The following KCNIP4 variants were observed in gnomAD, a reference collection of about 807,000 sequenced individuals.
The protein encoded by KCNIP4 is potassium voltage-gated channel interacting protein 4.
KCNIP4 carries 12 observed loss-of-function variants against 34.0 expected under a neutral mutation model. That is an observed-to-expected ratio of 0.35 (90% CI 0.23 to 0.57). The LOEUF (loss-of-function observed/expected upper bound fraction) is 0.57, where lower values mean the gene tolerates loss of function less well. KCNIP4 is among the 20% of genes least tolerant of loss of function. KCNIP4 has a pLI of 0.83. For missense variants in KCNIP4, 238 were observed against 311.7 expected, an observed-to-expected ratio of 0.76 and a Z score of 1.78; for synonymous variants, 124 against 102.2, an observed-to-expected ratio of 1.21 and a Z score of -1.29.
chr4:20,868,875 T>G (rs1233914168), intron 2 of KCNIP4, among the ~76,000 whole-genome samples: 1 of 152,054 alleles, frequency 6.6e-6, no homozygotes, highest in Non-Finnish European at 1.5e-5. Context: ...GGTACTATGC[T>G]CACTGCCAAG....
At chr4:21,218,120 A>G (rs1463906237) in intron 1 of KCNIP4, among the ~76,000 whole-genome samples, 2 of 151,592 alleles carry the variant, frequency 1.3e-5, no homozygotes, top group East Asian at 3.9e-4. Flanking sequence ...GGTTCAAGTG[A>G]TTCTCCTGCC....
chr4:21,234,276 T>TA (rs1759126145), intron 1 of KCNIP4, among the ~76,000 whole-genome samples: 1 of 83,800 alleles, frequency 1.2e-5, no homozygotes, highest in African/African-American at 8.3e-5. Flanking sequence ...ATAACATATA[T>TA]TATATATAAC....
intron 1 of KCNIP4, among the ~76,000 whole-genome samples, chr4:21,551,703 A>G (rs888385745): frequency 1.3e-5 from 2 of 152,092 alleles, no homozygotes; most frequent in African/African-American, 4.8e-5. Context: ...AGCACATGTG[A>G]AATATCTAAC....
intron 1 of KCNIP4, among the ~76,000 whole-genome samples, chr4:21,348,114 T>A (rs541381742): frequency 6.6e-6 from 1 of 152,330 alleles, no homozygotes; most frequent in East Asian, 1.9e-4. Context: ...GGGGCAGTTA[T>A]TCATGGTATC....
At chr4:21,658,063 C>T (rs1748115945) in intron 1 of KCNIP4, among the ~76,000 whole-genome samples, 1 of 152,124 alleles carries the variant, frequency 6.6e-6, no homozygotes, top group Non-Finnish European at 1.5e-5. Context: ...TTGTCTCAAT[C>T]TCCTGACCTT....
chr4:21,237,650 G>T (rs889772219), intron 1 of KCNIP4, among the ~76,000 whole-genome samples: 1 of 152,060 alleles, frequency 6.6e-6, no homozygotes, highest in African/African-American at 2.4e-5. Context: ...TAAATTCCTC[G>T]ACACATACAC....
At position 21,236,779 on chromosome 4, in the gene KCNIP4, G is replaced by A. The variant is rs753469951; in HGVS notation, c.62-354070C>T. On this transcript the variant is annotated intron_variant, in intron 1 of 8. Transcript: ENST00000382152. ...TATCCCAGCACTTTGGGAGGCTGAG[G>A]TGGGTGGATCACAAGGTCAGGAGCT... 3.3e-5 allele frequency among the ~76,000 whole-genome samples: 5 copies of A among 152,032 alleles called. No individual in the cohort carries two copies. In the East Asian group the frequency reaches 5.8e-4, roughly 18 times the overall value.
At chr4:21,231,197 C>A (rs954139542) in intron 1 of KCNIP4, among the ~76,000 whole-genome samples, 1 of 152,116 alleles carries the variant, frequency 6.6e-6, no homozygotes, top group African/African-American at 2.4e-5. Context: ...GCTGATTTTG[C>A]ACAAATTGGA....
chr4:21,876,915 A>C (rs1467196321), intron 1 of KCNIP4, among the ~76,000 whole-genome samples: 1 of 152,098 alleles, frequency 6.6e-6, no homozygotes, highest in Non-Finnish European at 1.5e-5. Context: ...GCCATGTGCA[A>C]GCCAGTCCAT....
chr4:20,882,472 T>A, intron 2 of KCNIP4, 136 bp downstream of exon 2: 1 of 653,302 alleles, frequency 1.5e-6, no homozygotes, highest in Non-Finnish European at 2.7e-6. Context: ...CCTGGGTATT[T>A]AGGTAAACAT....
chr4:21,762,601 G>C (rs1298391277), intron 1 of KCNIP4, among the ~76,000 whole-genome samples: 2 of 151,988 alleles, frequency 1.3e-5, no homozygotes, highest in East Asian at 3.9e-4. Flanking sequence ...AAAAGCCAAG[G>C]GTACTGTTCC....
chr4:21,940,923 TTGGAGTACAAC>T (rs1371473604), intron 1 of KCNIP4, among the ~76,000 whole-genome samples: 6 of 152,100 alleles, frequency 3.9e-5, no homozygotes, highest in African/African-American at 1.4e-4. Flanking sequence ...GTAGAATGGG[TTGGAGTACAAC>T]CCTGTATCTT....
chr4:20,910,422 C>T (rs1200506195), intron 1 of KCNIP4, among the ~76,000 whole-genome samples: 1 of 152,032 alleles, frequency 6.6e-6, no homozygotes, highest in African/African-American at 2.4e-5. Flanking sequence ...TCACACTGTG[C>T]CTAGTTCACT....
At chr4:21,275,078 G>A (rs1275701952) in intron 1 of KCNIP4, among the ~76,000 whole-genome samples, 1 of 152,076 alleles carries the variant, frequency 6.6e-6, no homozygotes, top group Non-Finnish European at 1.5e-5. Flanking sequence ...GTCAGAATTG[G>A]GTACATTTGA....
At chr4:21,182,972 T>C (rs1347887960) in intron 1 of KCNIP4, among the ~76,000 whole-genome samples, 1 of 152,148 alleles carries the variant, frequency 6.6e-6, no homozygotes, top group African/African-American at 2.4e-5. Context: ...CCTATCTAAA[T>C]GAAAATTTGT....
intron 3 of KCNIP4, among the ~76,000 whole-genome samples, chr4:20,803,761 G>A (rs958504715): frequency 2.0e-5 from 3 of 146,368 alleles, no homozygotes; most frequent in Non-Finnish European, 4.6e-5. Context: ...AAGGAAAGAA[G>A]GAAGGAAGGA....
chr4:21,392,852 A>G (rs1191045959), intron 1 of KCNIP4, among the ~76,000 whole-genome samples: 1 of 152,214 alleles, frequency 6.6e-6, no homozygotes, highest in Non-Finnish European at 1.5e-5. Flanking sequence ...CTAACAAAAC[A>G]TTATGTACAA....
intron 1 of KCNIP4, among the ~76,000 whole-genome samples, chr4:21,597,178 G>T (rs541598267): frequency 2.6e-5 from 4 of 152,134 alleles, no homozygotes; most frequent in African/African-American, 9.6e-5. Context: ...GGAGATAATT[G>T]CATCATGGGG....
intron 3 of KCNIP4, among the ~76,000 whole-genome samples, chr4:20,797,545 T>C (rs538063108): frequency 4.0e-4 from 61 of 152,344 alleles, no homozygotes; most frequent in African/African-American, 1.4e-3. Context: ...ATACAGTTGA[T>C]CTTAAGACAG....
Sources: allele counts gnomAD v4.1 joint callset (sites outside exome capture counted in the v4.1 genomes callset), GRCh38; gene constraint gnomAD v4.1.1; transcripts MANE v1.5; gene names NCBI Gene and HGNC (gene_info 2026-07-23, HGNC 2026-07-21).